NIPBL: variants seen among roughly 807,000 people sequenced by gnomAD.
NIPBL encodes the protein nipped-B-like protein.
In NIPBL, 19 loss-of-function variants were observed where a neutral mutation model predicts 321.8. The ratio of observed to expected loss-of-function variants is 0.06; its 90% confidence interval spans 0.04 to 0.09. The LOEUF (loss-of-function observed/expected upper bound fraction) is 0.09. Ranked by LOEUF, NIPBL falls within the 10% of genes least tolerant of loss-of-function variation. The pLI is 1.00. For synonymous variants in NIPBL, 1,106 were observed against 1,114.1 expected, an observed-to-expected ratio of 0.99 and a Z score of 0.14; for missense variants, 2,210 against 3,327.0, an observed-to-expected ratio of 0.66 and a Z score of 8.26.
rs193114782 is a variant in NIPBL, at chr5:36,965,386, C to A, written c.610+3112C>A. ...GTCATTTTCAGCAACATAGAGGGAA[C>A]TAGAGGTCATTATGTTAAGTGAAAT... On this transcript the variant is annotated intron_variant, in intron 6 of 46. Coordinates refer to ENST00000282516, the MANE Select transcript of NIPBL (RefSeq NM_133433.4). 4.6e-3 allele frequency among the ~76,000 whole-genome samples: 699 copies of A among 152,134 alleles called. 2 individuals carry two copies. The highest frequency in any genetic ancestry group is 8.0e-3 in the Non-Finnish European group (546 of 67,930).
intron 16 of NIPBL, among the ~76,000 whole-genome samples, chr5:37,003,701 G>A (rs773501486): frequency 1.3e-5 from 2 of 152,082 alleles, no homozygotes; most frequent in Admixed American, 6.6e-5. Flanking sequence ...ACTCTCATGT[G>A]GGGGAAATTT....
At chr5:36,932,450 T>G (rs929432356) in intron 1 of NIPBL, among the ~76,000 whole-genome samples, 1 of 152,200 alleles carries the variant, frequency 6.6e-6, no homozygotes, top group African/African-American at 2.4e-5. Flanking sequence ...CTCTTTTTCT[T>G]TATTACTATT....
Position 37,000,369 on chromosome 5 carries a change from C to T in NIPBL, c.3305-4C>T. The T allele has an allele frequency of 6.2e-7, 1 of 1,612,046 alleles. No individual in the cohort carries two copies. Among genetic ancestry groups the T allele is most frequent in the Non-Finnish European group, 8.5e-7 (1 of 1,178,782 alleles). On this transcript the variant is annotated splice_region_variant and splice_polypyrimidine_tract_variant and intron_variant, in intron 11 of 46. Transcript: ENST00000282516. ...AATTATTTGTCATGGGGATTTGCTT[C>T]TAGCCTCTAGGAAACGACATAAAAA... is the stretch of plus-strand genomic sequence containing the variant.
At chr5:37,007,546 C>T in intron 18 of NIPBL, 72 bp downstream of exon 18, 1 of 1,039,834 alleles carries the variant, frequency 9.6e-7, no homozygotes, top group African/African-American at 1.6e-5. Context: ...CTAGCTCACT[C>T]AATAATAAGA....
chr5:37,008,748 G>A (rs781765147), intron 20 of NIPBL, 25 bp downstream of exon 20: 1 of 1,112,242 alleles, frequency 9.0e-7, no homozygotes, highest in South Asian at 1.2e-5. Flanking sequence ...CAGAGGTCAA[G>A]TTTAATGAAG....
intron 11 of NIPBL, chr5:36,997,115 T>TGG (rs1356336383): frequency 1.3e-5 from 2 of 152,358 alleles, no homozygotes; most frequent in East Asian, 3.9e-4. Flanking sequence ...TTTGGTCATA[T>TGG]GGGGACGTGG....
chr5:36,886,569 AG>A, intron 1 of NIPBL: 1 of 604,372 alleles, frequency 1.7e-6, no homozygotes, highest in Non-Finnish European at 3.0e-6. Flanking sequence ...GGGGGAAAAT[AG>A]GCTATTCAGT....
intron 4 of NIPBL, among the ~76,000 whole-genome samples, chr5:36,961,195 ATCTTTTCAAT>A (rs1741581047): frequency 6.6e-6 from 1 of 152,202 alleles, no homozygotes; most frequent in Non-Finnish European, 1.5e-5. Flanking sequence ...TTTTAAAAAA[ATCTTTTCAAT>A]TCTAAGGCTA....
Position 36,985,622 on chromosome 5 carries a change from A to G in NIPBL, c.2442A>G (p.Leu814=), listed in dbSNP as rs1261444707. The G allele has an allele frequency of 6.2e-7, 1 of 1,613,942 alleles. No individual in the cohort carries two copies. The highest frequency in any genetic ancestry group is 1.1e-5 in the South Asian group (1 of 91,076). ...RPDGRSVSES[L]RRDHDNKQKS... ...ATGGGCGATCTGTTTCTGAGTCACT[A>G]AGACGTGACCATGATAATAAACAAA... is the stretch of plus-strand genomic sequence containing the variant. The change falls in exon 10 of 47, where the codon CTA becomes CTG. Residue 814 remains leucine, a synonymous_variant. Transcript: ENST00000282516.
intron 1 of NIPBL, among the ~76,000 whole-genome samples, chr5:36,901,222 T>G (rs1318496485): frequency 6.6e-6 from 1 of 152,208 alleles, no homozygotes; most frequent in Non-Finnish European, 1.5e-5. Flanking sequence ...CTGTATTAAT[T>G]TGCTTAAGAT....
chr5:36,946,445 C>T, intron 1 of NIPBL, among the ~76,000 whole-genome samples: 1 of 151,878 alleles, frequency 6.6e-6, no homozygotes. Flanking sequence ...CCTGTATTTG[C>T]CATTCCTGTA....
intron 1 of NIPBL, among the ~76,000 whole-genome samples, chr5:36,913,385 C>CTTT (rs770339545): frequency 7.3e-6 from 1 of 137,872 alleles, no homozygotes; most frequent in African/African-American, 2.6e-5. Context: ...TTATTTCCTT[C>CTTT]TTTTTTTTTT....
intron 1 of NIPBL, among the ~76,000 whole-genome samples, chr5:36,919,947 TA>T (rs1365302177): frequency 6.6e-6 from 1 of 152,214 alleles, no homozygotes; most frequent in Non-Finnish European, 1.5e-5. Flanking sequence ...TATTCTGTTT[TA>T]TCTTTTGATT....
At chr5:36,896,948 T>C (rs1483053291) in intron 1 of NIPBL, among the ~76,000 whole-genome samples, 2 of 152,054 alleles carry the variant, frequency 1.3e-5, no homozygotes, top group African/African-American at 2.4e-5. Context: ...TTTTGTTAAA[T>C]TTGTTCCTGT....
chr5:37,011,939 G>T (rs1389512221), intron 21 of NIPBL, among the ~76,000 whole-genome samples: 30 of 152,036 alleles, frequency 2.0e-4, no homozygotes, highest in Admixed American at 8.5e-4. Flanking sequence ...AAATTTACTG[G>T]AAGTTGTCAA....
At chr5:36,988,260 T>C (rs938930911) in intron 10 of NIPBL, among the ~76,000 whole-genome samples, 6 of 152,188 alleles carry the variant, frequency 3.9e-5, no homozygotes, top group Non-Finnish European at 8.8e-5. Context: ...TTAATGCAGA[T>C]GTATATACCT....
chr5:36,889,444 AAG>A (rs1411686759), intron 1 of NIPBL, among the ~76,000 whole-genome samples: 1 of 152,146 alleles, frequency 6.6e-6, no homozygotes, highest in African/African-American at 2.4e-5. Flanking sequence ...GGTGTTGGGA[AAG>A]AGGTATTTCT....
At chr5:37,024,460 A>G (rs1343606419) in intron 29 of NIPBL, 125 bp from the exon 30 acceptor site, 2 of 725,020 alleles carry the variant, frequency 2.8e-6, no homozygotes, top group Admixed American at 2.9e-5. Context: ...TAAAAAGCAA[A>G]TATGTCAAGT....
At chr5:37,027,151 A>G (rs1288425779) in intron 31 of NIPBL, among the ~76,000 whole-genome samples, 1 of 152,160 alleles carries the variant, frequency 6.6e-6, no homozygotes, top group African/African-American at 2.4e-5. Flanking sequence ...ACATTAAACT[A>G]ATTTCTTCAA....
Sources: allele counts gnomAD v4.1 joint callset (sites outside exome capture counted in the v4.1 genomes callset), GRCh38; gene constraint gnomAD v4.1.1; transcripts MANE v1.5; gene names NCBI Gene and HGNC (gene_info 2026-07-23, HGNC 2026-07-21).